The following ATP8A2 variants were observed in gnomAD, a reference collection of about 807,000 sequenced individuals.
ATP8A2 encodes phospholipid-transporting ATPase IB.
ATP8A2 carries 100 observed loss-of-function variants against 165.6 expected under a neutral mutation model. The observed-to-expected ratio is 0.60, with a 90% CI of 0.51 to 0.71. ATP8A2 has a LOEUF of 0.71. Among genes scored for constraint, ATP8A2 ranks in the 30% least tolerant of loss-of-function variants. ATP8A2 has a pLI of 0.00. For missense variants in ATP8A2, 1,227 were observed against 1,479.5 expected, an observed-to-expected ratio of 0.83 and a Z score of 2.80; for synonymous variants, 543 against 548.8, an observed-to-expected ratio of 0.99 and a Z score of 0.15.
intron 35 of ATP8A2, among the ~76,000 whole-genome samples, chr13:25,969,383 T>C (rs1955863700): frequency 1.3e-5 from 2 of 152,180 alleles, no homozygotes; most frequent in African/African-American, 4.8e-5. Context: ...TGAGAACAAT[T>C]TGCAGGGTAC....
At position 25,720,636 on chromosome 13, in the gene ATP8A2, G is replaced by A. The variant is rs908343120; in HGVS notation, c.2384+21291G>A. ...TTACACAGGAAGGCAACTCTGGGAC[G>A]TTTGCTGATGATGGCTCATCGTGCC... On this transcript the variant is annotated intron_variant, in intron 25 of 36. Coordinates refer to ENST00000381655, the MANE Select transcript of ATP8A2 (RefSeq NM_016529.6). 5.3e-5 allele frequency among the ~76,000 whole-genome samples: 8 copies of A among 152,246 alleles called. No homozygotes were observed. The South Asian group carries it at 6.2e-4, about 12-fold the overall frequency.
chr13:25,564,220 A>T (rs1237189559), intron 16 of ATP8A2, among the ~76,000 whole-genome samples, 189 bp downstream of exon 16: 1 of 152,234 alleles, frequency 6.6e-6, no homozygotes, highest in East Asian at 1.9e-4. Context: ...AAATTAGTGT[A>T]TTTAAATACT....
intron 33 of ATP8A2, among the ~76,000 whole-genome samples, chr13:25,880,498 T>C (rs1593495554): frequency 6.6e-6 from 1 of 152,126 alleles, no homozygotes; most frequent in Non-Finnish European, 1.5e-5. Flanking sequence ...GGAAAGTTGC[T>C]CTCCAGCCAT....
At chr13:25,380,868 G>A (rs944307733) in intron 1 of ATP8A2, among the ~76,000 whole-genome samples, 1 of 152,104 alleles carries the variant, frequency 6.6e-6, no homozygotes, top group African/African-American at 2.4e-5. Flanking sequence ...CTAAAGCCAC[G>A]TCTTTGGATT....
intron 19 of ATP8A2, among the ~76,000 whole-genome samples, chr13:25,575,860 G>T (rs754382851): frequency 1.3e-5 from 2 of 152,120 alleles, no homozygotes; most frequent in Admixed American, 6.5e-5. Flanking sequence ...CATTAACTGG[G>T]ACCAGCAGTT....
intron 24 of ATP8A2, among the ~76,000 whole-genome samples, chr13:25,602,174 C>T (rs1037867847): frequency 6.6e-6 from 1 of 152,122 alleles, no homozygotes; most frequent in Non-Finnish European, 1.5e-5. Flanking sequence ...TGTTTTTAGG[C>T]ATGTCCAATT....
intron 27 of ATP8A2, among the ~76,000 whole-genome samples, chr13:25,782,603 T>C (rs2138361036): frequency 6.6e-6 from 1 of 152,350 alleles, no homozygotes; most frequent in South Asian, 2.1e-4. Flanking sequence ...TCAAGTCCCT[T>C]ATATAAAATA....
intron 4 of ATP8A2, among the ~76,000 whole-genome samples, chr13:25,531,619 T>C (rs1404274460): frequency 6.6e-6 from 1 of 151,682 alleles, no homozygotes; most frequent in Non-Finnish European, 1.5e-5. Flanking sequence ...CATCCCTAAA[T>C]CCAAAAACCC....
At chr13:25,774,167 C>T (rs549113761) in intron 26 of ATP8A2, among the ~76,000 whole-genome samples, 1 of 152,258 alleles carries the variant, frequency 6.6e-6, no homozygotes, top group South Asian at 2.1e-4. Context: ...CCCAAATGTC[C>T]ATCCGTGCTA....
intron 16 of ATP8A2, among the ~76,000 whole-genome samples, chr13:25,566,550 A>C (rs2039319530): frequency 6.6e-6 from 1 of 152,190 alleles, no homozygotes; most frequent in African/African-American, 2.4e-5. Context: ...GCAGGGTGAC[A>C]TAGGAGCTCC....
At chr13:25,393,133 C>CCTTTTT (rs2033306310) in intron 1 of ATP8A2, among the ~76,000 whole-genome samples, 1 of 138,576 alleles carries the variant, frequency 7.2e-6, no homozygotes, top group African/African-American at 2.7e-5. Context: ...TATTTACATA[C>CCTTTTT]TTTTTTTTTT....
chr13:25,956,451 T>C (rs994217457), intron 33 of ATP8A2, among the ~76,000 whole-genome samples: 1 of 152,142 alleles, frequency 6.6e-6, no homozygotes, highest in Non-Finnish European at 1.5e-5. Flanking sequence ...TGTGCAAAAA[T>C]CACAAGCATT....
chr13:25,811,722 G>A (rs217890), intron 27 of ATP8A2, among the ~76,000 whole-genome samples: 27,382 of 152,016 alleles, frequency 0.18, 2,606 homozygotes, highest in Admixed American at 0.23. Context: ...TTAGCCAGGC[G>A]TGGTGGCATG....
intron 24 of ATP8A2, among the ~76,000 whole-genome samples, chr13:25,594,563 A>G (rs1445098998): frequency 6.6e-6 from 1 of 152,050 alleles, no homozygotes; most frequent in Non-Finnish European, 1.5e-5. Context: ...GTAGCCTTTT[A>G]TCCCTTCCCA....
At chr13:25,708,784 G>A (rs774794854) in intron 25 of ATP8A2, among the ~76,000 whole-genome samples, 1 of 152,144 alleles carries the variant, frequency 6.6e-6, no homozygotes, top group Non-Finnish European at 1.5e-5. Context: ...ATGACAAAGA[G>A]GAATGTTTAT....
intron 24 of ATP8A2, among the ~76,000 whole-genome samples, chr13:25,669,085 A>G (rs1220307498): frequency 6.6e-6 from 1 of 151,906 alleles, no homozygotes; most frequent in African/African-American, 2.4e-5. Flanking sequence ...AATGGGACAT[A>G]CTTTTTTGTT....
chr13:25,443,425 A>C (rs754745345), intron 1 of ATP8A2, among the ~76,000 whole-genome samples: 13 of 152,184 alleles, frequency 8.5e-5, no homozygotes, highest in Non-Finnish European at 1.8e-4. Context: ...CTGACAAAGT[A>C]AAAAAGAAAG....
intron 33 of ATP8A2, among the ~76,000 whole-genome samples, chr13:25,877,586 C>G (rs753391752): frequency 6.6e-6 from 1 of 152,186 alleles, no homozygotes; most frequent in Non-Finnish European, 1.5e-5. Context: ...GGTCCTCCCC[C>G]CGACCCCACA....
intron 24 of ATP8A2, among the ~76,000 whole-genome samples, chr13:25,590,398 C>T (rs1175447315): frequency 6.6e-6 from 1 of 152,142 alleles, no homozygotes; most frequent in African/African-American, 2.4e-5. Flanking sequence ...GCTTTCCAAG[C>T]TGGGTGACAG....
Sources: gnomAD v4.1 joint callset for allele counts (sites outside exome capture counted in the v4.1 genomes callset) on GRCh38, gnomAD v4.1.1 for gene constraint, MANE v1.5 for transcripts, NCBI Gene and HGNC (gene_info 2026-07-23, HGNC 2026-07-21) for gene names.